The following PLXNC1 variants were observed in gnomAD, a reference collection of about 807,000 sequenced individuals.
PLXNC1 encodes the protein plexin C1, also known as plexin-C1.
A neutral mutation model predicts 178.2 loss-of-function variants in PLXNC1; 75 were observed. The observed-to-expected ratio is 0.42, with a 90% CI of 0.35 to 0.51. PLXNC1 has a LOEUF of 0.51. PLXNC1 is among the 20% of genes least tolerant of loss of function. The pLI, the probability that PLXNC1 is intolerant of heterozygous loss-of-function variation, is 0.02. For missense variants in PLXNC1, 1,503 were observed against 1,984.4 expected (o/e 0.76, Z 4.61); for synonymous variants, 790 against 779.9 (o/e 1.01, Z -0.22).
At chr12:94,181,400 A>G in intron 2 of PLXNC1, 46 bp from the exon 3 acceptor site, 1 of 1,277,100 alleles carries the variant, frequency 7.8e-7, no homozygotes, top group Non-Finnish European at 1.1e-6. Context: ...AAAAAAAAAA[A>G]GTATTAAATA....
chr12:94,179,027 G>A (rs1310996844), intron 2 of PLXNC1, among the ~76,000 whole-genome samples: 1 of 152,182 alleles, frequency 6.6e-6, no homozygotes, highest in African/African-American at 2.4e-5. Flanking sequence ...AAATCCACCT[G>A]GGCTTGGCCC....
chr12:94,238,420 C>A (rs534637781), intron 10 of PLXNC1, among the ~76,000 whole-genome samples: 1 of 151,986 alleles, frequency 6.6e-6, no homozygotes, highest in South Asian at 2.1e-4. Flanking sequence ...CTCATCACAT[C>A]GGTGAAACTT....
At chr12:94,257,780 G>A (rs774666132) in intron 17 of PLXNC1, among the ~76,000 whole-genome samples, 10 of 151,712 alleles carry the variant, frequency 6.6e-5, no homozygotes, top group Middle Eastern at 3.4e-3. Context: ...GGTGGCGGGC[G>A]CCTGTAGTCC....
chr12:94,216,975 C>T (rs1048700960), intron 5 of PLXNC1, among the ~76,000 whole-genome samples: 1 of 152,170 alleles, frequency 6.6e-6, no homozygotes, highest in African/African-American at 2.4e-5. Context: ...TAACTGTACT[C>T]GCCTGGACCC....
chr12:94,173,066 C>T (rs549692699), intron 2 of PLXNC1, among the ~76,000 whole-genome samples: 58 of 152,266 alleles, frequency 3.8e-4, no homozygotes, highest in Non-Finnish European at 7.5e-4. Flanking sequence ...GCAGTTATTT[C>T]CCCATCCTGC....
At position 94,265,205 on chromosome 12, in the gene PLXNC1, G is replaced by C. The variant is rs1240952618; in HGVS notation, c.3577G>C (p.Val1193Leu). The change falls in exon 21 of 31, where the codon GTT (valine) becomes CTT (leucine). Residue 1193 changes from valine to leucine, a missense_variant. Physicochemically the swap from Val to Leu is conservative, Grantham distance 32. This residue lies in a region of PLXNC1 where 639 missense variants were observed against 979.7 expected (regional missense o/e 0.65). Coordinates refer to ENST00000258526, the MANE Select transcript of PLXNC1 (RefSeq NM_005761.3). ...TLNEDWLLWQ[V>L]PEFSTVALNV... ...TAATGAAGACTGGCTGTTGTGGCAG[G>C]TTCCGGAATTCAGTACTGTGGTATG... 6.2e-7 allele frequency: 1 copy of C among 1,612,108 alleles called. No homozygotes were observed. Among genetic ancestry groups the C allele is most frequent in the South Asian group, 1.1e-5 (1 of 90,998 alleles).
At chr12:94,305,118 C>A in intron 30 of PLXNC1, 63 bp from the exon 31 acceptor site, 2 of 1,022,090 alleles carry the variant, frequency 2.0e-6, no homozygotes, top group Non-Finnish European at 1.5e-6. Flanking sequence ...ATCAGGTATG[C>A]AAAAAACAGA....
intron 4 of PLXNC1, among the ~76,000 whole-genome samples, chr12:94,194,076 A>C (rs1249774371): frequency 6.6e-6 from 1 of 152,148 alleles, no homozygotes; most frequent in Non-Finnish European, 1.5e-5. Context: ...GGAAACTTAC[A>C]ATCATGGCAG....
intron 5 of PLXNC1, among the ~76,000 whole-genome samples, chr12:94,215,556 T>TGATAGATAGATA (rs3032367): frequency 0.025 from 3,747 of 149,308 alleles, 52 homozygotes; most frequent in East Asian, 0.04. Context: ...CAAACATAGA[T>TGATAGATAGATA]GATAGATAGA....
intron 2 of PLXNC1, among the ~76,000 whole-genome samples, chr12:94,170,469 C>T (rs1565791035): frequency 6.6e-6 from 1 of 152,142 alleles, no homozygotes; most frequent in Non-Finnish European, 1.5e-5. Flanking sequence ...ATTTACGGCA[C>T]CTTATGTGTC....
chr12:94,165,217 C>T (rs1258880692), intron 1 of PLXNC1, among the ~76,000 whole-genome samples: 4 of 152,198 alleles, frequency 2.6e-5, no homozygotes, highest in Non-Finnish European at 2.9e-5. Context: ...TGCACTGTTT[C>T]CCCCTTCTTC....
intron 7 of PLXNC1, among the ~76,000 whole-genome samples, chr12:94,225,636 G>C (rs185400141): frequency 6.6e-6 from 1 of 152,126 alleles, no homozygotes; most frequent in Admixed American, 6.5e-5. Context: ...GAAAGGAACC[G>C]ACTAGCCCCA....
At chr12:94,286,643 T>TAC (rs1464086535) in intron 23 of PLXNC1, among the ~76,000 whole-genome samples, 49 of 131,692 alleles carry the variant, frequency 3.7e-4, no homozygotes, top group African/African-American at 1.3e-3. Flanking sequence ...AAAAAAAAAA[T>TAC]TCATTTAAAA....
Position 94,235,812 on chromosome 12 carries a change from T to C in PLXNC1, c.1981-1852T>C, listed in dbSNP as rs560297921. Among the ~76,000 whole-genome samples the C allele has an allele frequency of 6.6e-5, 10 of 152,332 alleles. No individual in the cohort carries two copies. In the South Asian group the frequency reaches 2.1e-3, roughly 32 times the overall value. On this transcript the variant is annotated intron_variant, in intron 9 of 30. Transcript: ENST00000258526. ...TTATTCTTCTTTTGACATTTTGTCATGGCCCATACAAAAGCAGGTAGCGGG... is the reference window on the plus strand; with the variant it reads ...TTATTCTTCTTTTGACATTTTGTCACGGCCCATACAAAAGCAGGTAGCGGG...
At chr12:94,291,266 T>C (rs1011171413) in intron 23 of PLXNC1, among the ~76,000 whole-genome samples, 1 of 152,242 alleles carries the variant, frequency 6.6e-6, no homozygotes, top group Non-Finnish European at 1.5e-5. Context: ...GACAGGGTCT[T>C]GCTCTGTTGC....
intron 21 of PLXNC1, among the ~76,000 whole-genome samples, chr12:94,274,072 G>A (rs1288081235): frequency 7.1e-6 from 1 of 140,768 alleles, no homozygotes; most frequent in Non-Finnish European, 1.5e-5. Context: ...TGTAATCCCA[G>A]CACTTTGGGA....
chr12:94,190,891 C>A (rs1431982908), intron 4 of PLXNC1, among the ~76,000 whole-genome samples: 1 of 152,220 alleles, frequency 6.6e-6, no homozygotes, highest in Non-Finnish European at 1.5e-5. Context: ...ATGGCAGACT[C>A]TTTCTTGACG....
intron 7 of PLXNC1, among the ~76,000 whole-genome samples, chr12:94,225,487 G>A (rs903435542): frequency 6.6e-6 from 1 of 151,918 alleles, no homozygotes; most frequent in Non-Finnish European, 1.5e-5. Context: ...GATTTAAGGA[G>A]AAAAAAATAC....
At chr12:94,236,949 G>A (rs1396884837) in intron 9 of PLXNC1, among the ~76,000 whole-genome samples, 1 of 152,158 alleles carries the variant, frequency 6.6e-6, no homozygotes, top group Non-Finnish European at 1.5e-5. Context: ...ATCACAAATG[G>A]AGAAGTAAGG....
Sources: allele counts gnomAD v4.1 joint callset (sites outside exome capture counted in the v4.1 genomes callset), GRCh38; gene constraint gnomAD v4.1.1; regional missense constraint gnomAD v4.1.1; transcripts MANE v1.5; gene names NCBI Gene and HGNC (gene_info 2026-07-23, HGNC 2026-07-21).